Variants in MYO16 observed in about 807,000 individuals in gnomAD.
MYO16 encodes the protein unconventional myosin-XVI.
A neutral mutation model predicts 205.3 loss-of-function variants in MYO16; 94 were observed. That is an observed-to-expected ratio of 0.46 (90% confidence interval 0.39 to 0.54). The LOEUF (loss-of-function observed/expected upper bound fraction) is 0.54. Among genes scored for constraint, MYO16 ranks in the 20% least tolerant of loss-of-function variants. The pLI, the probability that MYO16 is intolerant of heterozygous loss-of-function variation, is 0.00. For missense variants in MYO16, 2,315 were observed against 2,387.5 expected (o/e 0.97, Z 0.63); for synonymous variants, 988 against 954.0 (o/e 1.04, Z -0.66).
chr13:108,683,617 T>C (rs753437234), intron 2 of MYO16, among the ~76,000 whole-genome samples: 9 of 152,184 alleles, frequency 5.9e-5, no homozygotes, highest in African/African-American at 1.9e-4. Flanking sequence ...TGGGACAACA[T>C]AGATTTGACA....
At chr13:109,194,640 A>ACAT (rs959458150) in intron 34 of MYO16, among the ~76,000 whole-genome samples, 2 of 152,186 alleles carry the variant, frequency 1.3e-5, no homozygotes, top group African/African-American at 4.8e-5. Context: ...GGTGTGTTCC[A>ACAT]CATATATCTG....
At chr13:108,888,590 G>A in intron 14 of MYO16, 113 bp downstream of exon 14, 2 of 520,964 alleles carry the variant, frequency 3.8e-6, no homozygotes, top group Non-Finnish European at 6.5e-6. Context: ...AAAATTTGTG[G>A]AAATAAAGAA....
At chr13:108,520,584 A>T in the MYO16 span, among the ~76,000 whole-genome samples, 1 of 152,238 alleles carries the variant, frequency 6.6e-6, no homozygotes, top group Admixed American at 6.5e-5. Flanking sequence ...CTATTTGTCA[A>T]GGAGAAAATC....
At chr13:108,628,368 T>G (rs571048941), upstream of MYO16, among the ~76,000 whole-genome samples, 1 of 152,316 alleles carries the variant, frequency 6.6e-6, no homozygotes, top group South Asian at 2.1e-4. Flanking sequence ...ATAAGTTTTT[T>G]TCCTTGTTAA....
At chr13:108,499,362 G>A in the MYO16 span, among the ~76,000 whole-genome samples, 1 of 152,232 alleles carries the variant, frequency 6.6e-6, no homozygotes, top group Admixed American at 6.5e-5. Flanking sequence ...TTCTGGAGGT[G>A]CCCAATAAGA....
intron 3 of MYO16, among the ~76,000 whole-genome samples, chr13:108,724,279 C>A (rs1032408288): frequency 1.3e-5 from 2 of 152,092 alleles, no homozygotes; most frequent in African/African-American, 4.8e-5. Context: ...GCTTTTCAAT[C>A]TAGATTAATT....
intron 4 of MYO16, among the ~76,000 whole-genome samples, chr13:108,731,753 C>T (rs922033408): frequency 2.6e-5 from 4 of 152,110 alleles, no homozygotes; most frequent in South Asian, 2.1e-4. Flanking sequence ...AAATTATCAC[C>T]GATTATGTGT....
chr13:109,206,622 T>C lies in MYO16; in HGVS notation c.5429T>C (p.Leu1810Pro). Residue 1810 changes from leucine to proline, a missense_variant, in exon 35 of 35, where the codon CTG becomes CCG. Coordinates refer to ENST00000457511, the MANE Select transcript of MYO16 (RefSeq NM_001198950.3). ...TTCCTCCCACAGGTAATCCATCAGCTGAGGCTCTCAGAGAATGAAAGTGTG... is the reference window on the plus strand; with the variant it reads ...TTCCTCCCACAGGTAATCCATCAGCCGAGGCTCTCAGAGAATGAAAGTGTG... ...DSHTTQVIHQ[L>P]RLSENESVAL... is the part of the protein sequence containing the mutation. The C allele has an allele frequency of 6.2e-7, 1 of 1,612,862 alleles. No homozygotes were observed. Among genetic ancestry groups the C allele is most frequent in the Non-Finnish European group, 8.5e-7 (1 of 1,178,936 alleles).
At chr13:108,605,157 T>A (rs561154935) in intron 1 of MYO16, among the ~76,000 whole-genome samples, 1 of 152,286 alleles carries the variant, frequency 6.6e-6, no homozygotes, top group African/African-American at 2.4e-5. Context: ...ATATGATCAT[T>A]TCTTAAAGGA....
At chr13:108,663,344 T>C (rs1397812235) in intron 1 of MYO16, among the ~76,000 whole-genome samples, 1 of 152,066 alleles carries the variant, frequency 6.6e-6, no homozygotes, top group Non-Finnish European at 1.5e-5. Context: ...GGTCATATTA[T>C]ATATCTTATC....
intron 28 of MYO16, among the ~76,000 whole-genome samples, chr13:109,106,778 G>T (rs556737092): frequency 8.5e-5 from 13 of 152,184 alleles, no homozygotes; most frequent in South Asian, 4.1e-4. Context: ...GTGCAGAAAG[G>T]CTTTCCCAGT....
At chr13:108,797,047 A>G (rs1473671571) in intron 6 of MYO16, among the ~76,000 whole-genome samples, 1 of 152,174 alleles carries the variant, frequency 6.6e-6, no homozygotes, top group African/African-American at 2.4e-5. Flanking sequence ...GGCTCAGACA[A>G]CAGGGGTAGA....
In MYO16 at chr13:108,844,490, G is replaced by A. The variant is rs764608190; in HGVS notation, c.1245G>A (p.Glu415=). The change falls in exon 10 of 35, where the codon GAG becomes GAA. Residue 415 remains glutamate (E), a synonymous_variant. Transcript: ENST00000457511. ...TGATGAGCGGTTCCACCAAACCCGAGCAGGTAATCATGCTTTCACTGTGTG... is the reference window on the plus strand; with the variant it reads ...TGATGAGCGGTTCCACCAAACCCGAACAGGTAATCATGCTTTCACTGTGTG... ...NPMMSGSTKP[E]QVKLMPPAPN... The A allele has an allele frequency of 6.2e-7, 1 of 1,604,730 alleles. No individual in the cohort carries two copies. The highest frequency in any genetic ancestry group is 2.2e-5 in the East Asian group (1 of 44,792).
At chr13:108,770,302 A>G (rs969509788) in intron 4 of MYO16, among the ~76,000 whole-genome samples, 1 of 152,140 alleles carries the variant, frequency 6.6e-6, no homozygotes, top group Non-Finnish European at 1.5e-5. Flanking sequence ...AATTTGTTTT[A>G]TTTTATTTTT....
chr13:109,093,666 G>A (rs150038720), intron 27 of MYO16, among the ~76,000 whole-genome samples: 213 of 152,166 alleles, frequency 1.4e-3, no homozygotes, highest in African/African-American at 4.9e-3. Context: ...TCTTCCTGTC[G>A]TAGCCACGTT....
At chr13:109,117,480 ATG>A (rs1875775313) in intron 28 of MYO16, among the ~76,000 whole-genome samples, 2 of 148,026 alleles carry the variant, frequency 1.4e-5, no homozygotes, top group African/African-American at 2.5e-5. Context: ...ATGTATGTAT[ATG>A]TATATATATG....
chr13:108,766,584 T>C (rs181738713), intron 4 of MYO16, among the ~76,000 whole-genome samples: 4 of 152,290 alleles, frequency 2.6e-5, no homozygotes, highest in African/African-American at 9.6e-5. Context: ...TCATACCAAT[T>C]GCCTGCATCA....
At chr13:109,195,269 T>C (rs1293555312) in intron 34 of MYO16, among the ~76,000 whole-genome samples, 1 of 152,162 alleles carries the variant, frequency 6.6e-6, no homozygotes, top group Non-Finnish European at 1.5e-5. Flanking sequence ...TATTTTCCCC[T>C]TTGTTTAAAC....
chr13:109,074,474 T>C (rs1360425738), intron 27 of MYO16, among the ~76,000 whole-genome samples: 2 of 152,174 alleles, frequency 1.3e-5, no homozygotes, highest in Non-Finnish European at 2.9e-5. Context: ...GCATGTCTTA[T>C]GTGGTGGCAG....
Sources: allele counts gnomAD v4.1 joint callset (sites outside exome capture counted in the v4.1 genomes callset), GRCh38; gene constraint gnomAD v4.1.1; transcripts MANE v1.5; gene names NCBI Gene and HGNC (gene_info 2026-07-23, HGNC 2026-07-21).